AKAP10: variants seen among roughly 807,000 people sequenced by gnomAD.
AKAP10 encodes A-kinase anchor protein 10, mitochondrial.
Under a neutral mutation model 80.8 loss-of-function variants are expected in AKAP10, and 24 were observed. The ratio of observed to expected loss-of-function variants is 0.30; its 90% confidence interval spans 0.22 to 0.42. The LOEUF is 0.42. Ranked by LOEUF, AKAP10 falls within the 10% of genes least tolerant of loss-of-function variation. The probability of loss-of-function intolerance (pLI) is 1.00; values close to 1 mark genes in which losing one functional copy is unlikely to be tolerated. For missense variants in AKAP10, 661 were observed against 794.9 expected (o/e 0.83, Z 2.03); for synonymous variants, 291 against 277.7 (o/e 1.05, Z -0.48).
intron 2 of AKAP10, chr17:19,967,891 AAAATT>A (rs1160254785): frequency 6.7e-6 from 1 of 148,856 alleles, no homozygotes; most frequent in Non-Finnish European, 1.5e-5. Flanking sequence ...TCAAAAAAAT[AAAATT>A]AAGGTAAAAA....
At chr17:19,946,569 G>A (rs978113184) in intron 5 of AKAP10, among the ~76,000 whole-genome samples, 1 of 146,330 alleles carries the variant, frequency 6.8e-6, no homozygotes, top group Admixed American at 6.9e-5. Flanking sequence ...CACAGTGAGT[G>A]TTTAATAAAT....
At chr17:19,909,525 A>G (rs2042667397) in intron 13 of AKAP10, among the ~76,000 whole-genome samples, 2 of 152,208 alleles carry the variant, frequency 1.3e-5, no homozygotes, top group Admixed American at 6.5e-5. Context: ...GGTCAAAATA[A>G]AACATTTTCC....
At chr17:19,912,222 C>A (rs370414573) in intron 12 of AKAP10, among the ~76,000 whole-genome samples, 1 of 152,218 alleles carries the variant, frequency 6.6e-6, no homozygotes, top group African/African-American at 2.4e-5. Flanking sequence ...TGAGACCAGT[C>A]TAACCAACAT....
chr17:19,913,420 G>A (rs957506398), intron 12 of AKAP10, among the ~76,000 whole-genome samples: 4 of 151,764 alleles, frequency 2.6e-5, no homozygotes, highest in Admixed American at 2.6e-4. Context: ...CCAACGTGCT[G>A]GGATTATAGG....
rs148090959 is a variant in AKAP10 at position 19,939,771 on chromosome 17, T to C, written c.1264A>G (p.Lys422Glu). The change falls in exon 8 of 15, where the codon AAA becomes GAA. Residue 422 changes from lysine (K) to glutamate (E), a missense_variant. Coordinates refer to ENST00000225737, the MANE Select transcript of AKAP10 (RefSeq NM_007202.4). ...ADNFQSQLAA[K>E]KGQYDGQEAQ... ...TCCTGTCCATCATATTGGCCCTTTT[T>C]GGCAGCAAGCTGAGACTGGAAGTTA... 1.2e-5 allele frequency: 20 copies of C among 1,614,004 alleles called. No homozygotes were observed. Among genetic ancestry groups the C allele is most frequent in the African/African-American group, 2.7e-5 (2 of 74,940 alleles).
At chr17:19,956,339 G>A (rs189127766) in intron 4 of AKAP10, among the ~76,000 whole-genome samples, 15 of 152,140 alleles carry the variant, frequency 9.9e-5, no homozygotes, top group Non-Finnish European at 1.8e-4. Context: ...ACATGTTCAC[G>A]GCCAAAAATC....
chr17:19,962,323 CAT>C lies in AKAP10; in HGVS notation c.319+515_319+516del, dbSNP rs1214882365. Among the ~76,000 whole-genome samples the C allele has an allele frequency of 4.3e-3, 639 of 147,062 alleles. 3 individuals are homozygous for C. The highest frequency in any genetic ancestry group is 0.015 in the African/African-American group (575 of 38,948). Reference sequence around the variant, plus strand: ...ACACACACACACACACACACACACACATACACACCTGCACATATGAATGAGCA... The same window carrying C: ...ACACACACACACACACACACACACACACACACCTGCACATATGAATGAGCA... On this transcript the variant is annotated intron_variant, in intron 3 of 14. Coordinates refer to ENST00000225737, the MANE Select transcript of AKAP10 (RefSeq NM_007202.4).
intron 1 of AKAP10, among the ~76,000 whole-genome samples, chr17:19,972,534 C>A (rs566545897): frequency 3.2e-4 from 48 of 152,284 alleles, no homozygotes; most frequent in African/African-American, 1.1e-3. Context: ...CAGCTCACTG[C>A]AAGCTTCGCC....
chr17:19,952,487 T>TA (rs1195120103), intron 4 of AKAP10, among the ~76,000 whole-genome samples: 1 of 151,102 alleles, frequency 6.6e-6, no homozygotes, highest in African/African-American at 2.4e-5. Context: ...AATAAATAAA[T>TA]AAATAAATAA....
At chr17:19,975,635 G>A (rs11651339) in intron 1 of AKAP10, among the ~76,000 whole-genome samples, 4,145 of 152,256 alleles carry the variant, frequency 0.027, 87 homozygotes, top group Non-Finnish European at 0.041. Flanking sequence ...TACATGGAGC[G>A]AAAGGGAGAA....
At position 19,977,777 on chromosome 17, in the gene AKAP10, T is replaced by G; in HGVS notation, c.-98A>C. 1.4e-6 allele frequency: 1 copy of G among 706,094 alleles called. No individual in the cohort carries two copies. Among genetic ancestry groups the G allele is most frequent in the Non-Finnish European group, 2.0e-6 (1 of 506,198 alleles). The allele number at this position is 706,094 out of a possible 1,614,324, so 43.7% of individuals were successfully genotyped here. On this transcript the variant is annotated 5_prime_UTR_variant, in exon 1 of 15. Transcript: ENST00000225737. ...AGTGGGCCCCACCGCCTCCTCGGGA[T>G]GCCCAGGCAGCTCCAGCCGCCATAT...
At chr17:19,947,662 A>G (rs203475) in intron 4 of AKAP10, among the ~76,000 whole-genome samples, 157 bp from the exon 5 acceptor site, 29,792 of 152,222 alleles carry the variant, frequency 0.2, 3,341 homozygotes, top group Middle Eastern at 0.29. Context: ...TTTGTGGAAG[A>G]GGAGAGTTAC....
At chr17:19,954,024 CTCTG>C (rs1433981756) in intron 4 of AKAP10, among the ~76,000 whole-genome samples, 4 of 151,820 alleles carry the variant, frequency 2.6e-5, no homozygotes, top group Admixed American at 1.3e-4. Context: ...AGAAGTGAGA[CTCTG>C]TCTCACACAC....
intron 4 of AKAP10, among the ~76,000 whole-genome samples, chr17:19,948,328 C>T (rs957807897): frequency 6.9e-6 from 1 of 144,216 alleles, no homozygotes; most frequent in Non-Finnish European, 1.6e-5. Context: ...AAACTGCACA[C>T]CAGATGCACA....
At chr17:19,945,789 C>T (rs1170892318) in intron 5 of AKAP10, among the ~76,000 whole-genome samples, 1 of 152,070 alleles carries the variant, frequency 6.6e-6, no homozygotes, top group Non-Finnish European at 1.5e-5. Flanking sequence ...GACAGATCTG[C>T]TAAAAGTGCA....
intron 7 of AKAP10, 26 bp downstream of exon 7, chr17:19,940,861 A>C: frequency 6.3e-7 from 1 of 1,577,408 alleles, no homozygotes; most frequent in Non-Finnish European, 8.6e-7. Flanking sequence ...GCTCGAATAG[A>C]GTGTGAAAAG....
chr17:19,959,154 A>G (rs2043319482), intron 3 of AKAP10, among the ~76,000 whole-genome samples: 1 of 152,106 alleles, frequency 6.6e-6, no homozygotes, highest in South Asian at 2.1e-4. Flanking sequence ...CGCCCAGCCC[A>G]GACTACATAA....
intron 2 of AKAP10, among the ~76,000 whole-genome samples, chr17:19,966,432 T>C (rs948023835): frequency 1.5e-4 from 23 of 152,224 alleles, no homozygotes; most frequent in African/African-American, 5.5e-4. Context: ...TGTTCACCGT[T>C]ATAGTCAGTT....
chr17:19,915,492 A>G (rs1248486586), intron 12 of AKAP10, among the ~76,000 whole-genome samples: 1 of 152,218 alleles, frequency 6.6e-6, no homozygotes, highest in Non-Finnish European at 1.5e-5. Context: ...TTTTGGGTGA[A>G]TAAATTCAAT....
Sources: gnomAD v4.1 joint callset for allele counts (sites outside exome capture counted in the v4.1 genomes callset) on GRCh38, gnomAD v4.1.1 for gene constraint, MANE v1.5 for transcripts, NCBI Gene and HGNC (gene_info 2026-07-23, HGNC 2026-07-21) for gene names.